Variants in POU2F2 observed in about 807,000 individuals in gnomAD.
The protein encoded by POU2F2 is POU class 2 homeobox 2.
In POU2F2, 14 loss-of-function variants were observed where a neutral mutation model predicts 63.5. The ratio of observed to expected loss-of-function variants is 0.22; its 90% CI spans 0.15 to 0.34. The LOEUF (loss-of-function observed/expected upper bound fraction) is 0.34, where lower values mean the gene tolerates loss of function less well. Ranked by LOEUF, POU2F2 falls within the 10% of genes least tolerant of loss-of-function variation. The pLI is 1.00. For missense variants in POU2F2, 607 were observed against 815.2 expected (o/e 0.74, Z 3.11); for synonymous variants, 306 against 348.6 (o/e 0.88, Z 1.36).
intron 2 of POU2F2, among the ~76,000 whole-genome samples, chr19:42,145,890 C>T (rs542855324): frequency 6.6e-6 from 1 of 151,680 alleles, no homozygotes; most frequent in Non-Finnish European, 1.5e-5. Flanking sequence ...GCTGAGATTG[C>T]GCCACTGCAC....
intron 7 of POU2F2, among the ~76,000 whole-genome samples, chr19:42,097,710 T>C (rs1452530835): frequency 6.6e-6 from 1 of 152,098 alleles, no homozygotes; most frequent in East Asian, 1.9e-4. Flanking sequence ...TCAGGAGGGC[T>C]GGGGACTGCT....
At chr19:42,187,654 T>C (rs796359201) in intron 1 of POU2F2, among the ~76,000 whole-genome samples, 9 of 147,544 alleles carry the variant, frequency 6.1e-5, no homozygotes, top group African/African-American at 2.3e-4. Context: ...CCAAGCTACT[T>C]GGGAGGCTGA....
intron 1 of POU2F2, among the ~76,000 whole-genome samples, chr19:42,168,680 G>T (rs2034699000): frequency 6.6e-6 from 1 of 152,218 alleles, no homozygotes; most frequent in South Asian, 2.1e-4. Flanking sequence ...CATGCCAGAG[G>T]AGTTTTCTAG....
At chr19:42,116,889 G>GGCGGCAGCGGCGTTA (rs1376579794) in intron 5 of POU2F2, 23 of 475,380 alleles carry the variant, frequency 4.8e-5, no homozygotes, top group Middle Eastern at 3.8e-4. Context: ...CGGCGGCGGC[G>GGCGGCAGCGGCGTTA]GCGGCAGCGG....
intron 1 of POU2F2, among the ~76,000 whole-genome samples, chr19:42,131,910 G>A (rs2033771141): frequency 2.0e-5 from 3 of 152,034 alleles, no homozygotes. Context: ...CAAGCACACA[G>A]CAGTCCCACT....
In POU2F2 at chr19:42,095,701, CCGGGG is replaced by C. The variant is rs774091755; in HGVS notation, c.872-13_872-9del. 32 of 1,611,558 alleles carry C rather than the reference CCGGGG, an allele frequency of 2.0e-5. No homozygotes were observed. The African/African-American group carries it at 4.3e-4, about 21-fold the overall frequency. On this transcript the variant is annotated splice_polypyrimidine_tract_variant and intron_variant, in intron 9 of 14. Coordinates refer to ENST00000692977, the MANE Select transcript of POU2F2 (RefSeq NM_001394376.1). This position sits in a 1 kb window ranked among gnomAD's most constrained non-coding sequence, Gnocchi z 7.1. ...AGTCCACAGACATAGTCTCTGTGCG[CCGGGG>C]GAGACGTGAGCATGAGAAGGGGCCT...
chr19:42,104,443 A>T (rs1726144929), intron 5 of POU2F2, among the ~76,000 whole-genome samples: 2 of 151,982 alleles, frequency 1.3e-5, no homozygotes, highest in Non-Finnish European at 2.9e-5. Context: ...ATTCTGGCAA[A>T]AGAGTAGAAG....
intron 5 of POU2F2, among the ~76,000 whole-genome samples, chr19:42,113,818 T>G (rs2031473772): frequency 6.6e-6 from 1 of 151,780 alleles, no homozygotes; most frequent in Non-Finnish European, 1.5e-5. Flanking sequence ...GTGGAGGTCA[T>G]GAGATGCGGC....
chr19:42,162,143 G>A lies in POU2F2; in HGVS notation c.-69-1751C>T, dbSNP rs2034564536. On this transcript the variant is annotated intron_variant, in intron 1 of 6. Coordinates refer to the POU2F2 transcript ENST00000524801. The surrounding 1 kb of genome is among the most constrained non-coding windows in gnomAD (Gnocchi z 4.1). ...TAGGGCTGGGGTCTTCCCCCAGGCA[G>A]TGCCCCCACCTTGGGCTTCCCTCCA... 6.6e-6 allele frequency among the ~76,000 whole-genome samples: 1 copy of A among 152,148 alleles called. No individual in the cohort carries two copies. Among genetic ancestry groups the A allele is most frequent in the Admixed American group, 6.5e-5 (1 of 15,282 alleles).
intron 11 of POU2F2, among the ~76,000 whole-genome samples, chr19:42,094,595 C>G (rs1418506748): frequency 6.6e-6 from 1 of 152,232 alleles, no homozygotes; most frequent in Non-Finnish European, 1.5e-5. Flanking sequence ...CTTCCCCAAC[C>G]TCATTCATAT....
chr19:42,089,772 ATTGT>A lies in POU2F2; in HGVS notation c.*1481_*1484del, dbSNP rs1347568187. ...TAAATTTTTTTTCTAGTTTAAATTTATTGTTTGTTTGTTTCTGTTTTTTTGGTTT... is the reference window on the plus strand; with the variant it reads ...TAAATTTTTTTTCTAGTTTAAATTTATTGTTTGTTTCTGTTTTTTTGGTTT... On this transcript the variant is annotated 3_prime_UTR_variant, in exon 15 of 15. Transcript: ENST00000692977. 2.0e-5 allele frequency: 3 copies of A among 148,824 alleles called. No homozygotes were observed. The highest frequency in any genetic ancestry group is 3.5e-3 in the Middle Eastern group (1 of 286). 9.2% of individuals were successfully genotyped at this position (148,824 alleles called of 1,614,324 possible). A position where few individuals can be genotyped will look rare whatever the true frequency, so the allele number is the denominator to read the frequency against.
chr19:42,091,344 T>G lies in POU2F2; in HGVS notation c.1788A>C (p.Ser596=), dbSNP rs1309317222. The change falls in exon 15 of 15, where the codon TCA becomes TCC. Residue 596 remains serine (S), a synonymous_variant. Coordinates refer to ENST00000692977, the MANE Select transcript of POU2F2 (RefSeq NM_001394376.1). Reference sequence around the variant, plus strand: ...CGCTGCAAGTGGAGGAGGAGGAGGATGAGGATGAAGAGGATGAGGAGGAGA... The same window carrying G: ...CGCTGCAAGTGGAGGAGGAGGAGGAGGAGGATGAAGAGGATGAGGAGGAGA... ...PGLSSSSSSS[S]SSSSSTCSET... 3.9e-6 allele frequency: 6 copies of G among 1,535,284 alleles called. No individual in the cohort carries two copies. The Admixed American group carries it at 5.9e-5, about 15-fold the overall frequency.
chr19:42,172,631 A>C (rs1160988261), intron 1 of POU2F2, among the ~76,000 whole-genome samples: 1 of 152,136 alleles, frequency 6.6e-6, no homozygotes, highest in African/African-American at 2.4e-5. Context: ...GGGCTCACCA[A>C]AAGGGGTAGG....
At chr19:42,099,403 C>T in intron 7 of POU2F2, 124 bp downstream of exon 7, 2 of 850,566 alleles carry the variant, frequency 2.4e-6, no homozygotes, top group South Asian at 1.6e-5. Flanking sequence ...CACAGCAAAT[C>T]ACTGGCAGAG....
rs1599902673 is a variant in POU2F2, at chr19:42,089,878, C to T, written c.*1379G>A. On this transcript the variant is annotated 3_prime_UTR_variant, in exon 15 of 15. Coordinates refer to ENST00000692977, the MANE Select transcript of POU2F2 (RefSeq NM_001394376.1). Reference sequence around the variant, plus strand: ...CCAGTGGTGTCTCTCCTCTGTCCGTCGTCAGTGGAGACGTGTCCGGGGCTG... The same window carrying T: ...CCAGTGGTGTCTCTCCTCTGTCCGTTGTCAGTGGAGACGTGTCCGGGGCTG... The T allele has an allele frequency of 6.6e-6, 1 of 152,032 alleles. No homozygotes were observed. The highest frequency in any genetic ancestry group is 2.1e-4 in the South Asian group (1 of 4,826). 9.4% of individuals were successfully genotyped at this position (152,032 alleles called of 1,614,324 possible).
intron 1 of POU2F2, among the ~76,000 whole-genome samples, chr19:42,126,326 C>T (rs1236726056): frequency 6.6e-6 from 1 of 151,818 alleles, no homozygotes; most frequent in African/African-American, 2.4e-5. Flanking sequence ...GCCTGTAATC[C>T]CAGCTACTCA....
At chr19:42,188,740 G>A (rs2035042351) in intron 1 of POU2F2, among the ~76,000 whole-genome samples, 2 of 125,632 alleles carry the variant, frequency 1.6e-5, no homozygotes, top group South Asian at 6.0e-4. Flanking sequence ...AAGAAGGAAA[G>A]AAGGGAGGGA....
chr19:42,192,019 T>C (rs2035080164), intron 1 of POU2F2, among the ~76,000 whole-genome samples: 1 of 152,192 alleles, frequency 6.6e-6, no homozygotes, highest in South Asian at 2.1e-4. Flanking sequence ...GTGCCTGGCA[T>C]GTGGTATAAG....
intron 4 of POU2F2, among the ~76,000 whole-genome samples, chr19:42,121,825 G>A (rs769266683): frequency 1.3e-5 from 2 of 152,210 alleles, no homozygotes; most frequent in African/African-American, 4.8e-5. Context: ...ACAGGCGGTG[G>A]TGCAGGCCTC....
Sources: allele counts gnomAD v4.1 joint callset (sites outside exome capture counted in the v4.1 genomes callset), GRCh38; gene constraint gnomAD v4.1.1; non-coding constraint Gnocchi (gnomAD v3.1); transcripts MANE v1.5; gene names NCBI Gene and HGNC (gene_info 2026-07-23, HGNC 2026-07-21).